ABCA13: variants seen among roughly 807,000 people sequenced by gnomAD.
ABCA13 encodes ATP binding cassette subfamily A member 13, also known as ATP-binding cassette sub-family A member 13.
In ABCA13, 476 loss-of-function variants were observed where a neutral mutation model predicts 478.7. The ratio of observed to expected loss-of-function variants is 0.99; its 90% CI spans 0.92 to 1.07. The LOEUF (loss-of-function observed/expected upper bound fraction) is 1.07. Ranked by LOEUF, ABCA13 falls within the 50% of genes least tolerant of loss-of-function variation. The probability of loss-of-function intolerance (pLI) is 0.00; values close to 1 mark genes in which losing one functional copy is unlikely to be tolerated. For synonymous variants in ABCA13, 2,252 were observed against 2,158.9 expected, an observed-to-expected ratio of 1.04 and a Z score of -1.20; for missense variants, 6,060 against 5,910.6, an observed-to-expected ratio of 1.03 and a Z score of -0.83.
At chr7:48,227,761 T>A (rs111261129) in intron 6 of ABCA13, among the ~76,000 whole-genome samples, 2,192 of 152,338 alleles carry the variant, frequency 0.014, 23 homozygotes, top group Middle Eastern at 0.061. Flanking sequence ...ATACTGTAAT[T>A]TACTTAATAA....
At chr7:48,351,388 A>C (rs112745182) in intron 30 of ABCA13, among the ~76,000 whole-genome samples, 162 of 152,346 alleles carry the variant, frequency 1.1e-3, no homozygotes, top group African/African-American at 3.7e-3. Flanking sequence ...TCGCAGACTA[A>C]AACAAGAGAA....
In ABCA13 at chr7:48,350,935, C is replaced by T. The variant is rs757435582; in HGVS notation, c.10381+116C>T. The T allele has an allele frequency of 1.8e-5, 19 of 1,052,998 alleles. No individual in the cohort carries two copies. The Middle Eastern group carries it at 8.4e-4, about 46-fold the overall frequency. 65.2% of individuals were successfully genotyped at this position (1,052,998 alleles called of 1,614,324 possible). A position where few individuals can be genotyped will look rare whatever the true frequency, so the allele number is the denominator to read the frequency against. On this transcript the variant is annotated intron_variant, in intron 30 of 61. Coordinates refer to ENST00000435803, the MANE Select transcript of ABCA13 (RefSeq NM_152701.5). ...AGCTCAGAAAGAAAAGAAGTCCTTTCCAGATAAAACATAAAATAAAGCAGA... is the reference window on the plus strand; with the variant it reads ...AGCTCAGAAAGAAAAGAAGTCCTTTTCAGATAAAACATAAAATAAAGCAGA...
At chr7:48,331,896 C>A (rs1264886520) in intron 27 of ABCA13, among the ~76,000 whole-genome samples, 4 of 152,148 alleles carry the variant, frequency 2.6e-5, no homozygotes, top group Admixed American at 6.6e-5. Flanking sequence ...AATTCCTACA[C>A]CACTCCCCCG....
intron 1 of ABCA13, among the ~76,000 whole-genome samples, chr7:48,187,359 C>A (rs1480834422): frequency 2.0e-5 from 3 of 148,004 alleles, no homozygotes; most frequent in African/African-American, 7.4e-5. Context: ...CGTAGTTTAA[C>A]TACAGCTTAT....
intron 55 of ABCA13, among the ~76,000 whole-genome samples, chr7:48,558,997 A>G (rs1157937109): frequency 2.0e-5 from 3 of 152,132 alleles, no homozygotes; most frequent in Admixed American, 2.0e-4. Context: ...TCAGCTGCTA[A>G]TGTCTATCTA....
At chr7:48,593,569 A>G (rs1789981234) in intron 57 of ABCA13, among the ~76,000 whole-genome samples, 1 of 152,128 alleles carries the variant, frequency 6.6e-6, no homozygotes, top group Admixed American at 6.5e-5. Flanking sequence ...GCATTAAAGT[A>G]TGCTGAATGT....
intron 23 of ABCA13, among the ~76,000 whole-genome samples, chr7:48,309,493 A>G (rs1490042656): frequency 6.6e-6 from 1 of 152,158 alleles, no homozygotes; most frequent in African/African-American, 2.4e-5. Context: ...CCTGTTTTCA[A>G]TCTAAAAATG....
intron 5 of ABCA13, among the ~76,000 whole-genome samples, chr7:48,225,127 GCCTGCCTGCCTT>G (rs1440176161): frequency 3.3e-4 from 27 of 81,986 alleles, no homozygotes; most frequent in Non-Finnish European, 4.7e-4. Context: ...CTGCCTGCCT[GCCTGCCTGCCTT>G]CCTTCCTTCC....
intron 41 of ABCA13, among the ~76,000 whole-genome samples, chr7:48,420,424 A>G (rs1038291952): frequency 2.0e-5 from 3 of 152,196 alleles, no homozygotes; most frequent in Non-Finnish European, 4.4e-5. Context: ...GGCTTTGCAT[A>G]TGGAATATAT....
chr7:48,511,286 T>C, intron 51 of ABCA13, 87 bp downstream of exon 51: 1 of 1,041,420 alleles, frequency 9.6e-7, no homozygotes, highest in Non-Finnish European at 1.4e-6. Context: ...TGCTGTCGAC[T>C]TCATGATTTC....
At chr7:48,268,646 C>T (rs1795185326) in intron 15 of ABCA13, among the ~76,000 whole-genome samples, 1 of 152,138 alleles carries the variant, frequency 6.6e-6, no homozygotes, top group Non-Finnish European at 1.5e-5. Flanking sequence ...TTTCCCAACT[C>T]AGCACGTCCA....
At chr7:48,299,810 G>A (rs2128849537) in intron 23 of ABCA13, among the ~76,000 whole-genome samples, 1 of 152,304 alleles carries the variant, frequency 6.6e-6, no homozygotes, top group African/African-American at 2.4e-5. Flanking sequence ...GCTGTGCACA[G>A]AGAAGGCTCC....
intron 31 of ABCA13, among the ~76,000 whole-genome samples, chr7:48,354,022 G>A (rs1419064140): frequency 6.6e-6 from 1 of 152,052 alleles, no homozygotes; most frequent in African/African-American, 2.4e-5. Flanking sequence ...AGCAGGAGCA[G>A]AACCGAAGAA....
intron 1 of ABCA13, among the ~76,000 whole-genome samples, chr7:48,177,366 G>C (rs1484990237): frequency 6.6e-6 from 1 of 152,224 alleles, no homozygotes; most frequent in Non-Finnish European, 1.5e-5. Flanking sequence ...TATGGCTAGA[G>C]GTCCTTGGGG....
At chr7:48,259,303 A>G (rs1793841744) in intron 15 of ABCA13, among the ~76,000 whole-genome samples, 1 of 152,130 alleles carries the variant, frequency 6.6e-6, no homozygotes, top group Admixed American at 6.5e-5. Context: ...ATGCATATAT[A>G]TGTAGGATAG....
intron 55 of ABCA13, among the ~76,000 whole-genome samples, chr7:48,536,168 C>T (rs374443720): frequency 3.3e-5 from 5 of 152,142 alleles, no homozygotes; most frequent in African/African-American, 9.7e-5. Context: ...ATCTCTGATT[C>T]TAATTCTCCT....
chr7:48,386,081 A>G lies in ABCA13; in HGVS notation c.11336-1741A>G, dbSNP rs976454692. Among the ~76,000 whole-genome samples the G allele has an allele frequency of 2.6e-5, 4 of 152,190 alleles. No individual in the cohort carries two copies. The South Asian group carries it at 6.2e-4, about 24-fold the overall frequency. On this transcript the variant is annotated intron_variant, in intron 35 of 61. Coordinates refer to ENST00000435803, the MANE Select transcript of ABCA13 (RefSeq NM_152701.5). ...ACCTTTGTCAGATGCATAGTTAAGCATTCCTATACAGCAACAACAGTCAAG... is the reference window on the plus strand; with the variant it reads ...ACCTTTGTCAGATGCATAGTTAAGCGTTCCTATACAGCAACAACAGTCAAG...
chr7:48,262,975 T>C (rs1794394145), intron 15 of ABCA13, among the ~76,000 whole-genome samples: 1 of 151,924 alleles, frequency 6.6e-6, no homozygotes, highest in African/African-American at 2.4e-5. Flanking sequence ...TACACAGACA[T>C]GGGTAAGGTG....
intron 23 of ABCA13, among the ~76,000 whole-genome samples, chr7:48,308,986 A>G (rs571070677): frequency 2.1e-5 from 3 of 143,186 alleles, no homozygotes; most frequent in Non-Finnish European, 3.0e-5. Context: ...CAATTACCCA[A>G]TGGTGCATTT....
Sources: allele counts gnomAD v4.1 joint callset (sites outside exome capture counted in the v4.1 genomes callset), GRCh38; gene constraint gnomAD v4.1.1; transcripts MANE v1.5; gene names NCBI Gene and HGNC (gene_info 2026-07-23, HGNC 2026-07-21).